The following GRM8 variants were observed in gnomAD, a reference collection of about 807,000 sequenced individuals.
The protein encoded by GRM8 is glutamate metabotropic receptor 8, also known as metabotropic glutamate receptor 8.
In GRM8, 47 loss-of-function variants were observed where a neutral mutation model predicts 87.2. The observed-to-expected ratio is 0.54, with a 90% CI of 0.43 to 0.69. GRM8 has a LOEUF of 0.69. Among genes scored for constraint, GRM8 ranks in the 30% least tolerant of loss-of-function variants. The probability of loss-of-function intolerance (pLI) is 0.00; values close to 1 mark genes in which losing one functional copy is unlikely to be tolerated. For missense variants in GRM8, 1,019 were observed against 1,139.2 expected (o/e 0.89, Z 1.52); for synonymous variants, 396 against 404.5 (o/e 0.98, Z 0.25).
At chr7:126,620,860 CA>C (rs1176867452) in intron 7 of GRM8, among the ~76,000 whole-genome samples, 1 of 152,060 alleles carries the variant, frequency 6.6e-6, no homozygotes, top group African/African-American at 2.4e-5. Context: ...CCTTTATGTG[CA>C]AAAATTATAC....
At chr7:126,726,948 A>G (rs1445121305) in intron 7 of GRM8, among the ~76,000 whole-genome samples, 1 of 152,098 alleles carries the variant, frequency 6.6e-6, no homozygotes, top group Non-Finnish European at 1.5e-5. Flanking sequence ...ATAAATTTAC[A>G]TATTCTTGAT....
At chr7:127,060,597 A>G (rs1306801797) in intron 3 of GRM8, among the ~76,000 whole-genome samples, 2 of 152,122 alleles carry the variant, frequency 1.3e-5, no homozygotes, top group African/African-American at 2.4e-5. Flanking sequence ...GAAAATAGGA[A>G]CCCAATGATA....
intron 2 of GRM8, among the ~76,000 whole-genome samples, chr7:127,205,703 C>A (rs1340013242): frequency 3.9e-5 from 6 of 152,158 alleles, no homozygotes; most frequent in African/African-American, 1.2e-4. Context: ...GGCTCCCCCA[C>A]CTGCTAATAT....
At chr7:126,969,779 G>A (rs553728255) in intron 3 of GRM8, among the ~76,000 whole-genome samples, 5 of 151,936 alleles carry the variant, frequency 3.3e-5, no homozygotes, top group Non-Finnish European at 7.4e-5. Flanking sequence ...TACTTTGCCC[G>A]GATACATACA....
chr7:126,475,617 A>T (rs1263218337), intron 9 of GRM8, among the ~76,000 whole-genome samples: 1 of 152,156 alleles, frequency 6.6e-6, no homozygotes, highest in Non-Finnish European at 1.5e-5. Context: ...GGAAAAAATA[A>T]TCCTAAAATT....
intron 7 of GRM8, among the ~76,000 whole-genome samples, chr7:126,749,943 A>G (rs901839501): frequency 1.3e-5 from 2 of 152,184 alleles, no homozygotes; most frequent in Non-Finnish European, 2.9e-5. Flanking sequence ...TCTCTCGTAC[A>G]GTTAAATGTC....
intron 3 of GRM8, among the ~76,000 whole-genome samples, chr7:126,942,771 T>C (rs1242936587): frequency 6.6e-6 from 1 of 152,168 alleles, no homozygotes; most frequent in African/African-American, 2.4e-5. Flanking sequence ...TGCTAACCTT[T>C]CTTTCCTTTG....
chr7:126,867,500 C>G (rs562121176), intron 6 of GRM8, among the ~76,000 whole-genome samples: 9 of 152,030 alleles, frequency 5.9e-5, no homozygotes, highest in Non-Finnish European at 1.3e-4. Context: ...TAATGAATCA[C>G]CAGCAAAGAA....
chr7:127,125,432 AT>A (rs893422852), intron 2 of GRM8, among the ~76,000 whole-genome samples: 4 of 152,038 alleles, frequency 2.6e-5, no homozygotes, highest in African/African-American at 9.7e-5. Context: ...CATACCATGC[AT>A]AAAAATTAGT....
chr7:126,483,284 C>T lies in GRM8; in HGVS notation c.2431-36912G>A, dbSNP rs1486627787. On this transcript the variant is annotated intron_variant, in intron 9 of 10. Transcript: ENST00000339582. ...ACCAAAATTGAAAAACAACATTTAT[C>T]TGGTCTAGAGTATATATAAACGTGT... Among the ~76,000 whole-genome samples the T allele has an allele frequency of 2.0e-5, 3 of 147,216 alleles. No individual in the cohort carries two copies. The East Asian group carries it at 6.1e-4, about 30-fold the overall frequency.
At position 127,026,300 on chromosome 7, in the gene GRM8, A is replaced by G. The variant is rs1187874852; in HGVS notation, c.727+80196T>C. Among the ~76,000 whole-genome samples the G allele has an allele frequency of 2.0e-5, 3 of 152,270 alleles. No individual in the cohort carries two copies. In the East Asian group the frequency reaches 5.8e-4, roughly 29 times the overall value. On this transcript the variant is annotated intron_variant, in intron 3 of 10. Coordinates refer to ENST00000339582, the MANE Select transcript of GRM8 (RefSeq NM_000845.3). ...TCTTTGCTATTGGGAATAGTGCCAC[A>G]ATAAACATACGTGTGCATGTGTCTT...
intron 8 of GRM8, among the ~76,000 whole-genome samples, chr7:126,545,890 C>A (rs1562943018): frequency 6.6e-6 from 1 of 152,090 alleles, no homozygotes; most frequent in Non-Finnish European, 1.5e-5. Context: ...TAAGATAATT[C>A]ATTTTAAATT....
chr7:126,469,915 C>A (rs13225837), intron 9 of GRM8, among the ~76,000 whole-genome samples: 22,460 of 152,100 alleles, frequency 0.15, 1,798 homozygotes, highest in South Asian at 0.18. Context: ...GTTTGGAAGT[C>A]TCGGAAGAAG....
intron 3 of GRM8, among the ~76,000 whole-genome samples, chr7:126,907,001 A>C (rs1259792828): frequency 1.3e-5 from 2 of 152,188 alleles, no homozygotes; most frequent in African/African-American, 4.8e-5. Flanking sequence ...CTCTAAGTTC[A>C]CAGAATTCAG....
At chr7:126,823,186 T>C (rs1048663272) in intron 6 of GRM8, among the ~76,000 whole-genome samples, 1 of 152,242 alleles carries the variant, frequency 6.6e-6, no homozygotes, top group Non-Finnish European at 1.5e-5. Context: ...ATCATATAAC[T>C]GACACATAAG....
At chr7:127,199,263 A>G (rs906917430) in intron 2 of GRM8, among the ~76,000 whole-genome samples, 1 of 152,188 alleles carries the variant, frequency 6.6e-6, no homozygotes, top group Non-Finnish European at 1.5e-5. Context: ...CACCTTTCCT[A>G]GAATGGATTT....
intron 9 of GRM8, among the ~76,000 whole-genome samples, chr7:126,497,060 G>T (rs1808868599): frequency 6.7e-6 from 1 of 150,026 alleles, no homozygotes; most frequent in Non-Finnish European, 1.5e-5. Flanking sequence ...GTATGAAATA[G>T]GCTAATATTT....
intron 9 of GRM8, among the ~76,000 whole-genome samples, chr7:126,530,372 A>G (rs1348042665): frequency 1.3e-5 from 2 of 152,168 alleles, no homozygotes; most frequent in South Asian, 4.1e-4. Context: ...CTTTCTCATC[A>G]CAGATCTGAC....
chr7:126,561,710 T>C (rs1025317927), intron 8 of GRM8, among the ~76,000 whole-genome samples: 1 of 151,822 alleles, frequency 6.6e-6, no homozygotes, highest in South Asian at 2.1e-4. Flanking sequence ...TGTGCCATGT[T>C]GGTGTGCTGC....
Sources: allele counts gnomAD v4.1 joint callset (sites outside exome capture counted in the v4.1 genomes callset), GRCh38; gene constraint gnomAD v4.1.1; transcripts MANE v1.5; gene names NCBI Gene and HGNC (gene_info 2026-07-23, HGNC 2026-07-21).